Variants in SNRK observed in about 807,000 individuals in gnomAD.
SNRK encodes the protein SNF related kinase.
SNRK carries 3 observed loss-of-function variants against 48.2 expected under a neutral mutation model. The observed-to-expected ratio is 0.06, with a 90% CI of 0.03 to 0.16. The LOEUF (loss-of-function observed/expected upper bound fraction) is 0.16. Ranked by LOEUF, SNRK falls within the 10% of genes least tolerant of loss-of-function variation. The pLI, the probability that SNRK is intolerant of heterozygous loss-of-function variation, is 1.00. For synonymous variants in SNRK, 376 were observed against 366.1 expected (o/e 1.03, Z -0.31); for missense variants, 627 against 976.0 (o/e 0.64, Z 4.76).
intron 3 of SNRK, among the ~76,000 whole-genome samples, chr3:43,314,056 T>C (rs2090997760): frequency 6.6e-6 from 1 of 152,214 alleles, no homozygotes; most frequent in Non-Finnish European, 1.5e-5. Context: ...ATATCAGTCT[T>C]ACGCTGGTAT....
intron 4 of SNRK, among the ~76,000 whole-genome samples, chr3:43,334,183 G>A (rs991066799): frequency 5.9e-5 from 9 of 151,920 alleles, no homozygotes; most frequent in Admixed American, 3.9e-4. Flanking sequence ...AGGCATGGTG[G>A]CTCGTTCCTG....
At chr3:43,318,092 T>C (rs1042844107) in intron 3 of SNRK, among the ~76,000 whole-genome samples, 1 of 152,168 alleles carries the variant, frequency 6.6e-6, no homozygotes, top group Non-Finnish European at 1.5e-5. Context: ...CCTGGCCTTA[T>C]TTTCCTTTCC....
chr3:43,331,832 A>G (rs1379770128), intron 3 of SNRK, among the ~76,000 whole-genome samples: 3 of 152,164 alleles, frequency 2.0e-5, no homozygotes, highest in African/African-American at 7.2e-5. Context: ...TATTTCTGGT[A>G]TATATTCTAA....
intron 3 of SNRK, chr3:43,314,989 C>T (rs2091004198): frequency 6.6e-6 from 1 of 152,068 alleles, no homozygotes; most frequent in Admixed American, 6.5e-5. Flanking sequence ...CCCAGCTACT[C>T]AGGAGGCTGA....
chr3:43,347,315 C>G lies in SNRK; in HGVS notation c.1080-24C>G. The G allele has an allele frequency of 6.6e-7, 1 of 1,521,848 alleles. No individual in the cohort carries two copies. Among genetic ancestry groups the G allele is most frequent in the Non-Finnish European group, 8.8e-7 (1 of 1,136,440 alleles). 94.3% of individuals were successfully genotyped at this position (1,521,848 alleles called of 1,614,324 possible). On this transcript the variant is annotated intron_variant, in intron 6 of 6. Coordinates refer to ENST00000296088, the MANE Select transcript of SNRK (RefSeq NM_017719.5). The surrounding 1 kb of genome is among the most constrained non-coding windows in gnomAD (Gnocchi z 5.4). ...TGCATAATGATTATATGGCTTTTTT[C>G]CCCCCAATCTATCTGTTACATAGGC...
At chr3:43,321,563 G>A (rs572057012) in intron 3 of SNRK, among the ~76,000 whole-genome samples, 2 of 152,114 alleles carry the variant, frequency 1.3e-5, no homozygotes, top group East Asian at 3.9e-4. Context: ...TTAATTTTAC[G>A]TATAATTCTA....
At chr3:43,297,418 C>T (rs1256459882) in intron 1 of SNRK, among the ~76,000 whole-genome samples, 3 of 152,150 alleles carry the variant, frequency 2.0e-5, no homozygotes, top group African/African-American at 7.2e-5. Flanking sequence ...AGTTACAAAT[C>T]TCTTTTTACC....
chr3:43,326,571 C>G (rs2091098355), intron 3 of SNRK, among the ~76,000 whole-genome samples: 1 of 152,054 alleles, frequency 6.6e-6, no homozygotes, highest in Non-Finnish European at 1.5e-5. Context: ...GCCCAGGTTT[C>G]TGAGTTGGAG....
At chr3:43,313,913 AGT>A (rs2090996709) in intron 3 of SNRK, among the ~76,000 whole-genome samples, 1 of 152,230 alleles carries the variant, frequency 6.6e-6, no homozygotes, top group Admixed American at 6.5e-5. Context: ...CAAGTATCCC[AGT>A]GTGAGTGTTT....
intron 3 of SNRK, among the ~76,000 whole-genome samples, chr3:43,328,686 A>T (rs112271598): frequency 3.0e-4 from 46 of 151,534 alleles, no homozygotes; most frequent in East Asian, 2.3e-3. Flanking sequence ...ACCTTTTTTT[A>T]AAAAAAACCT....
intron 3 of SNRK, among the ~76,000 whole-genome samples, chr3:43,306,353 T>G (rs1194004478): frequency 6.6e-6 from 1 of 152,138 alleles, no homozygotes; most frequent in East Asian, 1.9e-4. Context: ...AATCTGTCAT[T>G]ATATTGTGAG....
Position 43,346,633 on chromosome 3 carries a change from C to T in SNRK, c.1080-706C>T, listed in dbSNP as rs568510642. On this transcript the variant is annotated intron_variant, in intron 6 of 6. Coordinates refer to ENST00000296088, the MANE Select transcript of SNRK (RefSeq NM_017719.5). Reference sequence around the variant, plus strand: ...GTGTGCGCCTATAGTCCCAGCTATTCGAGAGGCTGAAGTGGGAGGGTTGCT... The same window carrying T: ...GTGTGCGCCTATAGTCCCAGCTATTTGAGAGGCTGAAGTGGGAGGGTTGCT... Among the ~76,000 whole-genome samples, 5 of 152,258 alleles carry T rather than the reference C, an allele frequency of 3.3e-5. 1 individual carries two copies. The South Asian group carries it at 6.2e-4, about 19-fold the overall frequency.
intron 3 of SNRK, among the ~76,000 whole-genome samples, chr3:43,320,580 A>G (rs966498907): frequency 1.3e-5 from 2 of 152,220 alleles, no homozygotes; most frequent in Non-Finnish European, 2.9e-5. Context: ...ACTAATGAAT[A>G]CACTAGAACA....
chr3:43,292,161 G>A (rs1271843297), intron 1 of SNRK, among the ~76,000 whole-genome samples: 1 of 152,116 alleles, frequency 6.6e-6, no homozygotes, highest in African/African-American at 2.4e-5. Context: ...TGCTTTACTC[G>A]TTTCTGTATA....
chr3:43,307,587 T>A (rs2090947404), intron 3 of SNRK, among the ~76,000 whole-genome samples: 1 of 152,230 alleles, frequency 6.6e-6, no homozygotes, highest in Non-Finnish European at 1.5e-5. Flanking sequence ...CTATTGTAGT[T>A]GTTTTGGGGT....
intron 3 of SNRK, among the ~76,000 whole-genome samples, chr3:43,305,121 T>G (rs2090927256): frequency 2.0e-5 from 3 of 152,168 alleles, no homozygotes; most frequent in Admixed American, 2.0e-4. Context: ...CTTTTCACAT[T>G]GGGAAAAACT....
At chr3:43,330,826 C>G (rs965336418) in intron 3 of SNRK, among the ~76,000 whole-genome samples, 3 of 152,104 alleles carry the variant, frequency 2.0e-5, no homozygotes, top group African/African-American at 7.2e-5. Context: ...TCCATAGGTC[C>G]CTTTCATCTT....
chr3:43,300,473 A>G (rs2090890417), intron 2 of SNRK, among the ~76,000 whole-genome samples: 1 of 152,248 alleles, frequency 6.6e-6, no homozygotes, highest in South Asian at 2.1e-4. Context: ...ACTTGGGGGC[A>G]GCCTGAAGGA....
At chr3:43,312,395 A>T (rs1428569830) in intron 3 of SNRK, among the ~76,000 whole-genome samples, 1 of 152,196 alleles carries the variant, frequency 6.6e-6, no homozygotes, top group Non-Finnish European at 1.5e-5. Flanking sequence ...GTGTGTAAAA[A>T]ACTAGACATC....
Sources: allele counts gnomAD v4.1 joint callset (sites outside exome capture counted in the v4.1 genomes callset), GRCh38; gene constraint gnomAD v4.1.1; non-coding constraint Gnocchi (gnomAD v3.1); transcripts MANE v1.5; gene names NCBI Gene and HGNC (gene_info 2026-07-23, HGNC 2026-07-21).